The following SP110 variants were observed in gnomAD, a reference collection of about 807,000 sequenced individuals.
SP110 encodes interferon-induced protein 41, 30kD.
Under a neutral mutation model 92.7 loss-of-function variants are expected in SP110, and 62 were observed. The observed-to-expected ratio is 0.67, with a 90% confidence interval of 0.55 to 0.83. The LOEUF (loss-of-function observed/expected upper bound fraction) is 0.83, where lower values mean the gene tolerates loss of function less well. Among genes scored for constraint, SP110 ranks in the 40% least tolerant of loss-of-function variants. The pLI, the probability that SP110 is intolerant of heterozygous loss-of-function variation, is 0.00. For missense variants in SP110, 793 were observed against 863.9 expected (o/e 0.92, Z 1.03); for synonymous variants, 273 against 305.3 (o/e 0.89, Z 1.10).
chr2:230,212,509 G>A, intron 4 of SP110, 79 bp from the exon 5 acceptor site: 3 of 1,192,458 alleles, frequency 2.5e-6, no homozygotes, highest in Non-Finnish European at 3.8e-6. Context: ...AGTGCCTGGG[G>A]CAGATAGAGC....
upstream of SP110, chr2:230,220,155 G>A (rs2045684375): frequency 3.5e-6 from 3 of 858,246 alleles, no homozygotes. Context: ...TTTGGGGGAG[G>A]GCGTGTTGCC....
chr2:230,181,124 C>G (rs1240183680), intron 12 of SP110, among the ~76,000 whole-genome samples: 2 of 152,152 alleles, frequency 1.3e-5, no homozygotes, highest in East Asian at 3.9e-4. Context: ...AAGGGGTGCT[C>G]TAATTCATAT....
At chr2:230,223,086 G>T (rs775301535), upstream of SP110, among the ~76,000 whole-genome samples, 1 of 149,860 alleles carries the variant, frequency 6.7e-6, no homozygotes, top group Non-Finnish European at 1.5e-5. Context: ...CTCCAGGCTA[G>T]AGTGCTGTGG....
intron 2 of SP110, 30 bp from the exon 3 acceptor site, chr2:230,215,148 A>T: frequency 1.3e-6 from 2 of 1,563,224 alleles, no homozygotes; most frequent in Non-Finnish European, 1.8e-6. Flanking sequence ...GTTTTTATAA[A>T]TGACTATAAA....
intron 15 of SP110, chr2:230,172,420 C>T (rs140510649): frequency 3.8e-4 from 222 of 579,616 alleles, no homozygotes; most frequent in Non-Finnish European, 6.3e-4. Context: ...TTTTCCCTGT[C>T]TGAGCTGCTG....
At chr2:230,200,671 T>A (rs1054230427) in intron 10 of SP110, 2 of 596,622 alleles carry the variant, frequency 3.4e-6, no homozygotes, top group African/African-American at 3.7e-5. Context: ...CAGATATACA[T>A]ACATACATAT....
upstream of SP110, among the ~76,000 whole-genome samples, chr2:230,220,422 A>G (rs1361039796): frequency 6.6e-6 from 1 of 152,248 alleles, no homozygotes; most frequent in Admixed American, 6.5e-5. Flanking sequence ...ACAAAAAAAC[A>G]AAGAGAATGT....
intron 12 of SP110, among the ~76,000 whole-genome samples, chr2:230,183,283 C>T (rs1345464507): frequency 1.3e-5 from 2 of 152,188 alleles, no homozygotes; most frequent in Non-Finnish European, 2.9e-5. Context: ...CATAGAAGTT[C>T]ATTTTAGAAT....
At chr2:230,172,773 G>T in intron 15 of SP110, 71 bp downstream of exon 15, 1 of 1,040,446 alleles carries the variant, frequency 9.6e-7, no homozygotes. Flanking sequence ...CGTCCCCGAC[G>T]CTCACAGGTC....
rs944656612 is a variant in SP110 at position 230,168,908 on chromosome 2, G to A, written c.*216C>T. 2.6e-6 allele frequency: 1 copy of A among 378,366 alleles called. No homozygotes were observed. Among genetic ancestry groups the A allele is most frequent in the African/African-American group, 2.7e-5 (1 of 37,080 alleles). 23.4% of individuals were successfully genotyped at this position (378,366 alleles called of 1,614,324 possible). A position where few individuals can be genotyped will look rare whatever the true frequency, so the allele number is the denominator to read the frequency against. On this transcript the variant is annotated 3_prime_UTR_variant, in exon 19 of 19. Transcript: ENST00000258381. ...TGATGGGGTATCTGATGGTATTAAG[G>A]AAGTATTAATTTTTTTTTTTTTTAG... is the stretch of plus-strand genomic sequence containing the variant.
intron 12 of SP110, among the ~76,000 whole-genome samples, chr2:230,181,311 A>T (rs981809696): frequency 2.6e-5 from 4 of 152,254 alleles, no homozygotes. Flanking sequence ...ATACTTGAAG[A>T]AGTACCAGCT....
At chr2:230,176,465 G>A in intron 14 of SP110, 1 of 1,444,980 alleles carries the variant, frequency 6.9e-7, no homozygotes, top group Non-Finnish European at 9.0e-7. Context: ...TAAAACACAT[G>A]GACATGATGA....
intron 10 of SP110, among the ~76,000 whole-genome samples, chr2:230,195,253 T>C (rs1476095902): frequency 6.6e-6 from 1 of 152,186 alleles, no homozygotes; most frequent in Non-Finnish European, 1.5e-5. Context: ...AAAAAAGTAC[T>C]CCATTTTAGC....
chr2:230,224,810 C>G (rs963409136), upstream of SP110, among the ~76,000 whole-genome samples: 1 of 152,212 alleles, frequency 6.6e-6, no homozygotes, highest in Non-Finnish European at 1.5e-5. Flanking sequence ...GCCCTGGATT[C>G]TACCCATACC....
upstream of SP110, among the ~76,000 whole-genome samples, chr2:230,222,150 AACTCAGGAG>A (rs2045876835): frequency 6.6e-6 from 1 of 152,036 alleles, no homozygotes; most frequent in Non-Finnish European, 1.5e-5. Flanking sequence ...GAATCGCTTG[AACTCAGGAG>A]CTGGAGGTTG....
rs1211247109 is a variant in SP110 at position 230,178,152 on chromosome 2, C to T, written c.1447+5G>A. ...TTCCAAAGAGCAGAAGACCAAGGAA[C>T]TCACCGTGTTTCATTTTCTTCTTAT... On this transcript the variant is annotated splice_donor_5th_base_variant and intron_variant, in intron 13 of 18. Coordinates refer to ENST00000258381, the MANE Select transcript of SP110 (RefSeq NM_080424.4). 6.3e-7 allele frequency: 1 copy of T among 1,575,008 alleles called. No individual in the cohort carries two copies. The highest frequency in any genetic ancestry group is 2.2e-5 in the East Asian group (1 of 44,674).
chr2:230,178,736 C>A (rs1574608204), intron 12 of SP110, among the ~76,000 whole-genome samples: 2 of 152,146 alleles, frequency 1.3e-5, no homozygotes, highest in East Asian at 3.8e-4. Context: ...TGTTTCTTTT[C>A]ATTTTATTGC....
rs577324370 is a variant in SP110 at position 230,213,006 on chromosome 2, T to C, written c.338A>G (p.Gln113Arg). ...AAGTAGGATTGGTGTGTCTCTGCTC[T>C]GCCATTCATAGGAAGCACCAACTGG... ...FKRVGASYEW[Q>R]SRDTPILLEA... The change falls in exon 4 of 19, where the codon CAG (glutamine) becomes CGG (arginine). Residue 113 changes from glutamine to arginine, a missense_variant. Gln to Arg is a conservative substitution (Grantham distance 43, BLOSUM62 1). Coordinates refer to ENST00000258381, the MANE Select transcript of SP110 (RefSeq NM_080424.4). 3.7e-6 allele frequency: 6 copies of C among 1,614,046 alleles called. No individual in the cohort carries two copies. The South Asian group carries it at 4.4e-5, about 12-fold the overall frequency.
intron 11 of SP110, among the ~76,000 whole-genome samples, chr2:230,183,885 A>G (rs2042238819): frequency 6.6e-6 from 1 of 152,202 alleles, no homozygotes; most frequent in Admixed American, 6.5e-5. Context: ...ATGTCAATAC[A>G]TTTACTACAA....
Sources: gnomAD v4.1 joint callset for allele counts (sites outside exome capture counted in the v4.1 genomes callset) on GRCh38, gnomAD v4.1.1 for gene constraint, MANE v1.5 for transcripts, NCBI Gene and HGNC (gene_info 2026-07-23, HGNC 2026-07-21) for gene names.